NADK2: variants seen among roughly 807,000 people sequenced by gnomAD.
NADK2 encodes the protein NAD kinase domain-containing protein 1, mitochondrial.
NADK2 carries 35 observed loss-of-function variants against 62.1 expected under a neutral mutation model. The observed-to-expected ratio is 0.56, with a 90% CI of 0.43 to 0.75. The LOEUF (loss-of-function observed/expected upper bound fraction) is 0.75, where lower values mean the gene tolerates loss of function less well. Ranked by LOEUF, NADK2 falls within the 30% of genes least tolerant of loss-of-function variation. NADK2 has a pLI of 0.00. For missense variants in NADK2, 439 were observed against 561.3 expected (o/e 0.78, Z 2.20); for synonymous variants, 205 against 207.9 (o/e 0.99, Z 0.12).
intron 7 of NADK2, among the ~76,000 whole-genome samples, chr5:36,210,387 T>C (rs1301025889): frequency 6.6e-6 from 1 of 152,158 alleles, no homozygotes; most frequent in East Asian, 1.9e-4. Context: ...AACACACACA[T>C]TTTTACACTC....
intron 1 of NADK2, among the ~76,000 whole-genome samples, chr5:36,227,847 CTTT>C (rs201331621): frequency 2.1e-5 from 3 of 139,786 alleles, no homozygotes; most frequent in Admixed American, 7.2e-5. Flanking sequence ...TTTTTTATGA[CTTT>C]TTTTTTTTTT....
chr5:36,234,762 T>C (rs1315240293), intron 1 of NADK2, among the ~76,000 whole-genome samples: 1 of 152,218 alleles, frequency 6.6e-6, no homozygotes, highest in Non-Finnish European at 1.5e-5. Context: ...TGTTACTTTC[T>C]GAAACATTTC....
At chr5:36,225,102 G>A (rs1747433084) in intron 4 of NADK2, among the ~76,000 whole-genome samples, 1 of 152,080 alleles carries the variant, frequency 6.6e-6, no homozygotes, top group Non-Finnish European at 1.5e-5. Context: ...AACTACCTGG[G>A]AAGCTAAAAT....
rs1158751211 is a variant in NADK2, at chr5:36,193,722, T to C, written c.*1422A>G. ...TACATCAAAACCTAGATTAACTTTG[T>C]ACATTAACATTTATTTTAAAAAATT... On this transcript the variant is annotated 3_prime_UTR_variant, in exon 12 of 12. Coordinates refer to ENST00000381937, the MANE Select transcript of NADK2 (RefSeq NM_001085411.3). The C allele has an allele frequency of 1.3e-5, 2 of 152,586 alleles. No individual in the cohort carries two copies. The highest frequency in any genetic ancestry group is 2.9e-5 in the Non-Finnish European group (2 of 68,034). The allele number at this position is 152,586 out of a possible 1,614,324, so 9.5% of individuals were successfully genotyped here.
At chr5:36,209,027 C>T (rs1579607892) in intron 7 of NADK2, among the ~76,000 whole-genome samples, 1 of 152,112 alleles carries the variant, frequency 6.6e-6, no homozygotes. Flanking sequence ...ATACGCAGTG[C>T]CTGACACACA....
intron 1 of NADK2, among the ~76,000 whole-genome samples, chr5:36,236,582 G>C (rs2112203465): frequency 6.6e-6 from 1 of 152,206 alleles, no homozygotes; most frequent in Non-Finnish European, 1.5e-5. Context: ...TGGACTAGAA[G>C]GAAGCTGGTC....
Position 36,193,905 on chromosome 5 carries a change from T to A in NADK2, c.*1239A>T, listed in dbSNP as rs3088073. Reference sequence around the variant, plus strand: ...ACATATCCAGCACCTGACATAGTTTTACATGGCACAGAGTGGGTGTTCAAT... The same window carrying A: ...ACATATCCAGCACCTGACATAGTTTAACATGGCACAGAGTGGGTGTTCAAT... On this transcript the variant is annotated 3_prime_UTR_variant, in exon 12 of 12. Coordinates refer to ENST00000381937, the MANE Select transcript of NADK2 (RefSeq NM_001085411.3). 0.43 allele frequency: 65,087 copies of A among 152,488 alleles called. 16,809 individuals are homozygous for A. The highest frequency in any genetic ancestry group is 0.59 in the Non-Finnish European group (39,957 of 67,976). 9.4% of individuals were successfully genotyped at this position (152,488 alleles called of 1,614,324 possible).
intron 11 of NADK2, among the ~76,000 whole-genome samples, chr5:36,196,285 G>C (rs2112048570): frequency 6.6e-6 from 1 of 152,242 alleles, no homozygotes; most frequent in South Asian, 2.1e-4. Context: ...GAAAGTTGTA[G>C]TTGTTCCTCC....
chr5:36,212,886 A>G (rs1746902038), intron 6 of NADK2: 1 of 152,168 alleles, frequency 6.6e-6, no homozygotes, highest in Non-Finnish European at 1.5e-5. Context: ...TCTCTTTCCC[A>G]CATCATACTA....
chr5:36,217,691 C>A, intron 6 of NADK2, 57 bp downstream of exon 6: 2 of 1,604,186 alleles, frequency 1.2e-6, no homozygotes, highest in South Asian at 1.1e-5. Context: ...AATTTGAGGT[C>A]AAAGGAGCTA....
chr5:36,197,336 C>T (rs1286980105), intron 11 of NADK2, among the ~76,000 whole-genome samples: 1 of 152,074 alleles, frequency 6.6e-6, no homozygotes, highest in Non-Finnish European at 1.5e-5. Context: ...GTTTTAGCTT[C>T]TCTAAAATGG....
In NADK2 at chr5:36,207,264, C is replaced by G. The variant is rs1434618294; in HGVS notation, c.862G>C (p.Ala288Pro). 1 of 1,608,786 alleles carries G rather than the reference C, an allele frequency of 6.2e-7. No individual in the cohort carries two copies. The highest frequency in any genetic ancestry group is 2.2e-5 in the East Asian group (1 of 44,802). Reference protein sequence around the residue: ...VFIGESLSSRASYYEISVDDG... With the variant: ...VFIGESLSSRPSYYEISVDDG... Reference sequence around the variant, plus strand: ...TCAACTGAAATCTCATAGTAGGAAGCCCTGTGAATTGAGAATATAAAACTG... The same window carrying G: ...TCAACTGAAATCTCATAGTAGGAAGGCCTGTGAATTGAGAATATAAAACTG... Residue 288 changes from alanine to proline, a missense_variant and splice_region_variant, in exon 8 of 12, where the codon GCT becomes CCT. By Grantham distance (27) the Ala-to-Pro change is conservative. Transcript: ENST00000381937.
In NADK2 at chr5:36,194,920, T is replaced by C. The variant is rs536707357; in HGVS notation, c.*224A>G. ...TTACCAATTGTAAGCAATATAAAAA[T>C]TTCACTGGTATCAATTCTAATTGGT... On this transcript the variant is annotated 3_prime_UTR_variant, in exon 12 of 12. Transcript: ENST00000381937. 9.4e-5 allele frequency: 38 copies of C among 404,110 alleles called. No homozygotes were observed. The South Asian group carries it at 2.1e-3, about 22-fold the overall frequency. 25.0% of individuals were successfully genotyped at this position (404,110 alleles called of 1,614,324 possible). A position where few individuals can be genotyped will look rare whatever the true frequency, so the allele number is the denominator to read the frequency against.
intron 10 of NADK2, among the ~76,000 whole-genome samples, chr5:36,199,483 A>G (rs1438659431): frequency 6.6e-6 from 1 of 152,072 alleles, no homozygotes; most frequent in East Asian, 1.9e-4. Context: ...GAGCAAAAAA[A>G]GCTTTACTTT....
At chr5:36,228,893 G>T (rs1489890549) in intron 1 of NADK2, among the ~76,000 whole-genome samples, 1 of 151,758 alleles carries the variant, frequency 6.6e-6, no homozygotes, top group Non-Finnish European at 1.5e-5. Context: ...CAAAAAAGCT[G>T]GGGTTACAGG....
intron 8 of NADK2, among the ~76,000 whole-genome samples, chr5:36,202,960 AT>A (rs1412655721): frequency 3.9e-5 from 6 of 152,106 alleles, no homozygotes; most frequent in African/African-American, 1.4e-4. Context: ...ACATTTCCAC[AT>A]TTCATATTGA....
intron 8 of NADK2, among the ~76,000 whole-genome samples, chr5:36,206,305 T>TA (rs5867307): frequency 0.041 from 2,226 of 54,608 alleles, 159 homozygotes; most frequent in East Asian, 0.26. Flanking sequence ...TAATTTTTTT[T>TA]AAAGTTAAAA....
intron 7 of NADK2, among the ~76,000 whole-genome samples, chr5:36,210,811 A>G (rs1370265592): frequency 6.6e-6 from 1 of 152,220 alleles, no homozygotes; most frequent in Admixed American, 6.5e-5. Flanking sequence ...TGAACTGCCT[A>G]TAAAAGTTTT....
chr5:36,229,134 C>G (rs1171212442), intron 1 of NADK2, among the ~76,000 whole-genome samples: 1 of 152,168 alleles, frequency 6.6e-6, no homozygotes, highest in Non-Finnish European at 1.5e-5. Context: ...TTGATACCTA[C>G]CTTCCCCATC....
Sources: gnomAD v4.1 joint callset for allele counts (sites outside exome capture counted in the v4.1 genomes callset) on GRCh38, gnomAD v4.1.1 for gene constraint, MANE v1.5 for transcripts, NCBI Gene and HGNC (gene_info 2026-07-23, HGNC 2026-07-21) for gene names.